BRIX1: variants seen among roughly 807,000 people sequenced by gnomAD.
BRIX1 encodes the protein ribosome biogenesis protein BRX1 homolog.
In BRIX1, 15 loss-of-function variants were observed where a neutral mutation model predicts 44.0. That is an observed-to-expected ratio of 0.34 (90% CI 0.23 to 0.53). The LOEUF is 0.53. BRIX1 is among the 20% of genes least tolerant of loss of function. BRIX1 has a pLI of 0.95. For missense variants in BRIX1, 420 were observed against 432.8 expected (o/e 0.97, Z 0.26); for synonymous variants, 149 against 135.4 (o/e 1.10, Z -0.70).
At position 34,915,869 on chromosome 5, in the gene BRIX1, G is replaced by T; in HGVS notation, c.131G>T (p.Arg44Met). ...GCAGAGGAGGTGGAGGAAGAAGAGA[G>T]GGACCGGATCCCAGGCCCCGTTTGC... ...ATAEEVEEEERDRIPGPVCKG... is the reference protein window; with the variant it reads ...ATAEEVEEEEMDRIPGPVCKG... Residue 44 changes from arginine to methionine, a missense_variant, in exon 1 of 10, where the codon AGG becomes ATG. Transcript: ENST00000336767. 6.4e-7 allele frequency: 1 copy of T among 1,562,056 alleles called. No individual in the cohort carries two copies. The highest frequency in any genetic ancestry group is 8.7e-7 in the Non-Finnish European group (1 of 1,152,960).
Position 34,915,873 on chromosome 5 carries a change from C to T in BRIX1, c.135C>T (p.Asp45=). 6.4e-7 allele frequency: 1 copy of T among 1,560,214 alleles called. No individual in the cohort carries two copies. Among genetic ancestry groups the T allele is most frequent in the Non-Finnish European group, 8.7e-7 (1 of 1,152,028 alleles). The change falls in exon 1 of 10, where the codon GAC becomes GAT. Residue 45 remains aspartate (D), a synonymous_variant. Transcript: ENST00000336767. ...TAEEVEEEER[D]RIPGPVCKGK... is the part of the protein sequence containing the mutation. ...AGGAGGTGGAGGAAGAAGAGAGGGA[C>T]CGGATCCCAGGCCCCGTTTGCAAGG... is the stretch of plus-strand genomic sequence containing the variant.
In BRIX1 at chr5:34,915,723, C is replaced by T; in HGVS notation, c.-16C>T. 3 of 1,591,250 alleles carry T rather than the reference C, an allele frequency of 1.9e-6. No homozygotes were observed. The highest frequency in any genetic ancestry group is 2.6e-6 in the Non-Finnish European group (3 of 1,169,448). ...AGCGCCGGAAAGGAGGCCAAGAGCG[C>T]GGGCGGCGAGGCAAGATGGCGGCAA... On this transcript the variant is annotated 5_prime_UTR_variant, in exon 1 of 10. Coordinates refer to ENST00000336767, the MANE Select transcript of BRIX1 (RefSeq NM_018321.4).
chr5:34,918,435 A>G lies in BRIX1; in HGVS notation c.231A>G (p.Leu77=). The change falls in exon 2 of 10, where the codon TTA becomes TTG. Residue 77 remains leucine (L), a synonymous_variant. Coordinates refer to ENST00000336767, the MANE Select transcript of BRIX1 (RefSeq NM_018321.4). ...GAATAAATTTTAGAACAAGACATTT[A>G]ATGCAGGACTTGAGAATGTTGATGC... ...SRGINFRTRH[L]MQDLRMLMPH... The G allele has an allele frequency of 6.2e-7, 1 of 1,610,704 alleles. No homozygotes were observed. The highest frequency in any genetic ancestry group is 8.5e-7 in the Non-Finnish European group (1 of 1,177,804).
chr5:34,924,149 A>G (rs1764299990), intron 8 of BRIX1, among the ~76,000 whole-genome samples: 1 of 152,244 alleles, frequency 6.6e-6, no homozygotes, highest in Non-Finnish European at 1.5e-5. Flanking sequence ...AGGAGAAAAG[A>G]GGAGGTGACT....
chr5:34,916,355 ACT>A (rs1764090748), intron 1 of BRIX1: 1 of 153,442 alleles, frequency 6.5e-6, no homozygotes, highest in African/African-American at 2.4e-5. Context: ...TGGGACTGTG[ACT>A]CTGACTTGTT....
chr5:34,920,834 T>G (rs1318104216), intron 3 of BRIX1: 1 of 152,088 alleles, frequency 6.6e-6, no homozygotes, highest in African/African-American at 2.4e-5. Flanking sequence ...AAGTTTTGTT[T>G]TTTTTTTTTA....
At chr5:34,918,171 A>C in intron 1 of BRIX1, 193 bp from the exon 2 acceptor site, 2 of 376,068 alleles carry the variant, frequency 5.3e-6, no homozygotes, top group East Asian at 4.2e-5. Flanking sequence ...CTAGCTGGAC[A>C]TGGTGGCACA....
chr5:34,924,788 GTA>G, intron 8 of BRIX1, 57 bp from the exon 9 acceptor site: 6 of 1,193,422 alleles, frequency 5.0e-6, no homozygotes, highest in Non-Finnish European at 7.4e-6. Context: ...GTTATAGCCA[GTA>G]TACCTTTTGG....
intron 8 of BRIX1, 182 bp downstream of exon 8, chr5:34,923,416 T>C: frequency 1.7e-6 from 1 of 591,220 alleles, no homozygotes; most frequent in Non-Finnish European, 3.0e-6. Context: ...TAGCTGGGAT[T>C]ACAAGCACCC....
chr5:34,916,035 C>G, intron 1 of BRIX1, 138 bp downstream of exon 1: 2 of 994,748 alleles, frequency 2.0e-6, no homozygotes, highest in East Asian at 2.9e-5. Context: ...GCAATTCTCC[C>G]GGCCAGACTG....
rs567853904 is a variant in BRIX1 at position 34,918,430 on chromosome 5, C to T, written c.226C>T (p.His76Tyr). The T allele has an allele frequency of 6.2e-7, 1 of 1,610,194 alleles. No homozygotes were observed. The highest frequency in any genetic ancestry group is 2.2e-5 in the East Asian group (1 of 44,762). ...SSRGINFRTR[H>Y]LMQDLRMLMP... ...CAGAGGAATAAATTTTAGAACAAGA[C>T]ATTTAATGCAGGACTTGAGAATGTT... The change falls in exon 2 of 10, where the codon CAT becomes TAT. Residue 76 changes from histidine (H) to tyrosine (Y), a missense_variant. His to Tyr is a moderately conservative substitution (Grantham distance 83). Transcript: ENST00000336767.
chr5:34,919,553 C>T (rs149925150), intron 2 of BRIX1, among the ~76,000 whole-genome samples: 180 of 152,130 alleles, frequency 1.2e-3, no homozygotes, highest in African/African-American at 4.2e-3. Context: ...GAGAATTTTC[C>T]CATTTTTGAA....
chr5:34,919,934 G>A (rs41270651), intron 3 of BRIX1, 51 bp downstream of exon 3: 1 of 685,332 alleles, frequency 1.5e-6, no homozygotes, highest in Non-Finnish European at 2.5e-6. Context: ...GTTAACAGTG[G>A]CTTATTTCAA....
intron 1 of BRIX1, chr5:34,916,629 G>C (rs867597666): frequency 6.6e-6 from 1 of 152,218 alleles, no homozygotes; most frequent in Non-Finnish European, 1.5e-5. Context: ...ATTCAACTAA[G>C]AACTCTTCTT....
intron 3 of BRIX1, chr5:34,920,176 C>T (rs922468378): frequency 2.1e-5 from 4 of 189,632 alleles, no homozygotes; most frequent in African/African-American, 9.3e-5. Context: ...AGTAGGTACT[C>T]AAAAAATTAT....
At chr5:34,922,097 T>C (rs1764251687) in intron 3 of BRIX1, 120 bp from the exon 4 acceptor site, 2 of 532,526 alleles carry the variant, frequency 3.8e-6, no homozygotes, top group Admixed American at 7.1e-5. Flanking sequence ...TTTAGGCCTT[T>C]GTAGCCTATT....
chr5:34,919,496 G>A (rs1330872864), intron 2 of BRIX1, among the ~76,000 whole-genome samples: 2 of 152,116 alleles, frequency 1.3e-5, no homozygotes, highest in Non-Finnish European at 2.9e-5. Flanking sequence ...AAAAGTGAAA[G>A]ATATTTTCAT....
At chr5:34,923,425 C>T (rs930092369) in intron 8 of BRIX1, 191 bp downstream of exon 8, 9 of 580,756 alleles carry the variant, frequency 1.5e-5, no homozygotes, top group African/African-American at 1.5e-4. Context: ...TTACAAGCAC[C>T]CATCATCACG....
intron 9 of BRIX1, 87 bp from the exon 10 acceptor site, chr5:34,925,139 T>C: frequency 6.9e-7 from 1 of 1,451,914 alleles, no homozygotes; most frequent in Non-Finnish European, 9.1e-7. Flanking sequence ...GCTGAAAGGA[T>C]ATATGGTTCA....
Sources: allele counts gnomAD v4.1 joint callset (sites outside exome capture counted in the v4.1 genomes callset), GRCh38; gene constraint gnomAD v4.1.1; transcripts MANE v1.5; gene names NCBI Gene and HGNC (gene_info 2026-07-23, HGNC 2026-07-21).